Variants in FBXL17 observed in about 807,000 individuals in gnomAD.
The protein encoded by FBXL17 is F-box/LRR-repeat protein 17.
A neutral mutation model predicts 66.2 loss-of-function variants in FBXL17; 22 were observed. That is an observed-to-expected ratio of 0.33 (90% CI 0.24 to 0.47). FBXL17 has a LOEUF of 0.47. Among genes scored for constraint, FBXL17 ranks in the 20% least tolerant of loss-of-function variants. The pLI, the probability that FBXL17 is intolerant of heterozygous loss-of-function variation, is 1.00. For synonymous variants in FBXL17, 474 were observed against 400.5 expected (o/e 1.18, Z -2.19); for missense variants, 878 against 948.2 (o/e 0.93, Z 0.97).
At chr5:107,878,151 G>A (rs1026319963) in intron 8 of FBXL17, 48 of 731,122 alleles carry the variant, frequency 6.6e-5, no homozygotes, top group Non-Finnish European at 7.7e-5. Flanking sequence ...TGTAATTACT[G>A]ACATATTTGT....
At chr5:107,982,204 CATAA>C (rs1344853653) in intron 7 of FBXL17, among the ~76,000 whole-genome samples, 1 of 152,030 alleles carries the variant, frequency 6.6e-6, no homozygotes, top group Non-Finnish European at 1.5e-5. Context: ...GTCTTTAGTA[CATAA>C]ATAAATTTTC....
chr5:108,019,738 T>C (rs1754517455), intron 7 of FBXL17, among the ~76,000 whole-genome samples: 1 of 151,862 alleles, frequency 6.6e-6, no homozygotes, highest in African/African-American at 2.4e-5. Flanking sequence ...ATGCAAGACA[T>C]AAGAAGTTTT....
intron 7 of FBXL17, among the ~76,000 whole-genome samples, chr5:107,984,552 T>A (rs1297848604): frequency 3.3e-5 from 5 of 152,146 alleles, no homozygotes; most frequent in African/African-American, 1.2e-4. Context: ...ATACACAGCA[T>A]CCTTCTAATG....
At chr5:108,031,049 C>T (rs1746609742) in intron 6 of FBXL17, among the ~76,000 whole-genome samples, 2 of 151,978 alleles carry the variant, frequency 1.3e-5, no homozygotes, top group African/African-American at 4.8e-5. Context: ...AAAGTAAGAG[C>T]AATTCAATGA....
chr5:107,965,923 G>GA (rs941574137), intron 7 of FBXL17, among the ~76,000 whole-genome samples: 16 of 151,672 alleles, frequency 1.1e-4, no homozygotes, highest in South Asian at 2.1e-4. Context: ...TCCCCTTAGG[G>GA]AAAAAAAATC....
intron 8 of FBXL17, chr5:107,880,604 T>C (rs1580676496): frequency 1.8e-6 from 2 of 1,086,288 alleles, no homozygotes; most frequent in Non-Finnish European, 2.2e-6. Context: ...AGATGTTCAG[T>C]ACCAAAATTA....
At chr5:108,198,954 A>G (rs1456592479) in intron 5 of FBXL17, among the ~76,000 whole-genome samples, 3 of 152,156 alleles carry the variant, frequency 2.0e-5, no homozygotes, top group Non-Finnish European at 4.4e-5. Context: ...TTTTGAAATG[A>G]GGTGCAAAAA....
chr5:107,952,600 C>A (rs1751531969), intron 7 of FBXL17, among the ~76,000 whole-genome samples: 1 of 151,998 alleles, frequency 6.6e-6, no homozygotes, highest in Admixed American at 6.6e-5. Context: ...TTTAATATAC[C>A]ATCAAAAAGC....
At chr5:108,075,529 T>G (rs1319906592) in intron 6 of FBXL17, among the ~76,000 whole-genome samples, 1 of 152,136 alleles carries the variant, frequency 6.6e-6, no homozygotes, top group African/African-American at 2.4e-5. Context: ...CAGGCTGGAG[T>G]GCAATGGCTT....
chr5:108,054,406 G>A (rs1747604789), intron 6 of FBXL17, among the ~76,000 whole-genome samples: 1 of 152,064 alleles, frequency 6.6e-6, no homozygotes, highest in Admixed American at 6.6e-5. Context: ...CTGGGCAGTG[G>A]TGGAAGTCAG....
At chr5:107,961,207 T>G (rs918014754) in intron 7 of FBXL17, among the ~76,000 whole-genome samples, 5 of 151,970 alleles carry the variant, frequency 3.3e-5, no homozygotes, top group African/African-American at 1.2e-4. Flanking sequence ...TTTTTTCTTT[T>G]TCTTTTCTTT....
intron 6 of FBXL17, among the ~76,000 whole-genome samples, chr5:108,021,229 G>C (rs142318055): frequency 6.6e-6 from 1 of 151,130 alleles, no homozygotes; most frequent in Non-Finnish European, 1.5e-5. Context: ...AGCTTAAAAA[G>C]AAATATTCCC....
intron 3 of FBXL17, among the ~76,000 whole-genome samples, chr5:108,359,539 TTTC>T (rs1441182777): frequency 6.6e-6 from 1 of 152,212 alleles, no homozygotes; most frequent in Non-Finnish European, 1.5e-5. Context: ...TCCCTTGTAA[TTTC>T]TTCTATAAGC....
intron 8 of FBXL17, among the ~76,000 whole-genome samples, chr5:107,863,628 TCTCTTG>T (rs1263210055): frequency 6.6e-6 from 1 of 152,204 alleles, no homozygotes; most frequent in Admixed American, 6.5e-5. Flanking sequence ...AATGTCTATT[TCTCTTG>T]CTCCAATCTA....
At chr5:108,065,480 C>T (rs910863436) in intron 6 of FBXL17, among the ~76,000 whole-genome samples, 2 of 152,130 alleles carry the variant, frequency 1.3e-5, no homozygotes, top group Non-Finnish European at 2.9e-5. Context: ...ACAATCACAA[C>T]GTGGCAATTA....
At chr5:107,869,354 C>T (rs1251945890) in intron 8 of FBXL17, among the ~76,000 whole-genome samples, 1 of 152,196 alleles carries the variant, frequency 6.6e-6, no homozygotes, top group African/African-American at 2.4e-5. Flanking sequence ...GTGAACAATG[C>T]ATATTCAAAC....
intron 4 of FBXL17, among the ~76,000 whole-genome samples, chr5:108,329,954 C>A (rs1324366045): frequency 6.6e-6 from 1 of 151,956 alleles, no homozygotes; most frequent in Non-Finnish European, 1.5e-5. Flanking sequence ...TTAAAAGTTA[C>A]TATAAAATCA....
intron 4 of FBXL17, among the ~76,000 whole-genome samples, chr5:108,325,679 T>G (rs541179096): frequency 6.6e-6 from 1 of 152,282 alleles, no homozygotes; most frequent in Admixed American, 6.5e-5. Flanking sequence ...ATACCCTATT[T>G]GTCTGGAATT....
At chr5:107,888,223 T>C (rs909148292) in intron 7 of FBXL17, among the ~76,000 whole-genome samples, 2 of 152,204 alleles carry the variant, frequency 1.3e-5, no homozygotes, top group Admixed American at 1.3e-4. Flanking sequence ...AGAGTTTGTT[T>C]CATGTTAAAA....
Sources: allele counts gnomAD v4.1 joint callset (sites outside exome capture counted in the v4.1 genomes callset), GRCh38; gene constraint gnomAD v4.1.1; transcripts MANE v1.5; gene names NCBI Gene and HGNC (gene_info 2026-07-23, HGNC 2026-07-21).